The following PTPRR variants were observed in gnomAD, a reference collection of about 807,000 sequenced individuals.
PTPRR encodes the protein receptor-type tyrosine-protein phosphatase R.
In PTPRR, 38 loss-of-function variants were observed where a neutral mutation model predicts 77.2. The ratio of observed to expected loss-of-function variants is 0.49; its 90% CI spans 0.38 to 0.65. PTPRR has a LOEUF of 0.65. Ranked by LOEUF, PTPRR falls within the 30% of genes least tolerant of loss-of-function variation. The pLI, the probability that PTPRR is intolerant of heterozygous loss-of-function variation, is 0.00. For synonymous variants in PTPRR, 299 were observed against 283.1 expected, an observed-to-expected ratio of 1.06 and a Z score of -0.57; for missense variants, 744 against 799.2, an observed-to-expected ratio of 0.93 and a Z score of 0.83.
chr12:70,701,594 C>A (rs1888427163), intron 6 of PTPRR, among the ~76,000 whole-genome samples: 1 of 151,894 alleles, frequency 6.6e-6, no homozygotes, highest in Non-Finnish European at 1.5e-5. Flanking sequence ...CATAGGTTGG[C>A]TAATAATATT....
chr12:70,757,774 T>G (rs1890597012), intron 4 of PTPRR, among the ~76,000 whole-genome samples: 1 of 152,234 alleles, frequency 6.6e-6, no homozygotes. Flanking sequence ...GATCCTTTTT[T>G]TCTGTTAATG....
chr12:70,829,965 T>C (rs1892182790), intron 2 of PTPRR, among the ~76,000 whole-genome samples: 1 of 152,196 alleles, frequency 6.6e-6, no homozygotes, highest in South Asian at 2.1e-4. Flanking sequence ...GAGGCTCCAA[T>C]TGATTAATTG....
At chr12:70,649,728 C>T (rs772678165) in intron 13 of PTPRR, among the ~76,000 whole-genome samples, 1 of 152,092 alleles carries the variant, frequency 6.6e-6, no homozygotes, top group Non-Finnish European at 1.5e-5. Context: ...GTGTGCACCA[C>T]CATGCCTGGC....
intron 2 of PTPRR, among the ~76,000 whole-genome samples, chr12:70,797,730 T>C (rs1592763146): frequency 6.6e-6 from 1 of 152,168 alleles, no homozygotes; most frequent in Non-Finnish European, 1.5e-5. Context: ...TCTTGAAACT[T>C]TCTTCTCTTA....
At chr12:70,659,294 C>T (rs570692247) in intron 12 of PTPRR, among the ~76,000 whole-genome samples, 3 of 151,934 alleles carry the variant, frequency 2.0e-5, no homozygotes, top group Admixed American at 6.6e-5. Context: ...TGGGGGAATG[C>T]GGTATGTGTG....
At chr12:70,730,707 C>T (rs1386322906) in intron 6 of PTPRR, among the ~76,000 whole-genome samples, 1 of 151,724 alleles carries the variant, frequency 6.6e-6, no homozygotes, top group African/African-American at 2.4e-5. Context: ...GCTTATAGTC[C>T]TATTTACTTA....
chr12:70,895,921 A>C (rs1244119229), intron 1 of PTPRR, among the ~76,000 whole-genome samples: 1 of 151,660 alleles, frequency 6.6e-6, no homozygotes, highest in Non-Finnish European at 1.5e-5. Context: ...GCAGCCAACA[A>C]TCATAGCTCT....
At chr12:70,875,305 G>A (rs1893031939) in intron 2 of PTPRR, among the ~76,000 whole-genome samples, 1 of 152,148 alleles carries the variant, frequency 6.6e-6, no homozygotes, top group Admixed American at 6.5e-5. Context: ...AGGTATAAAT[G>A]TACATATTTT....
intron 1 of PTPRR, among the ~76,000 whole-genome samples, chr12:70,908,104 A>T (rs1041440713): frequency 1.3e-5 from 2 of 152,212 alleles, no homozygotes; most frequent in Non-Finnish European, 2.9e-5. Flanking sequence ...TCTCCAGACA[A>T]CTTAAAAACT....
chr12:70,720,247 C>G (rs945123498), intron 6 of PTPRR, among the ~76,000 whole-genome samples: 2 of 152,134 alleles, frequency 1.3e-5, no homozygotes, highest in East Asian at 3.9e-4. Flanking sequence ...CGAATCCTAT[C>G]TCTGCAGTAA....
Position 70,698,307 on chromosome 12 carries a change from G to A in PTPRR, c.1237C>T (p.Pro413Ser). 1 of 1,613,068 alleles carries A rather than the reference G, an allele frequency of 6.2e-7. No homozygotes were observed. Among genetic ancestry groups the A allele is most frequent in the Non-Finnish European group, 8.5e-7 (1 of 1,179,390 alleles). Reference protein sequence around the residue: ...NFVDPKEIDIPRHGTKNRYKT... With the variant: ...NFVDPKEIDISRHGTKNRYKT... ...TAGCGATTTTTAGTTCCATGACGCG[G>A]AATATCAATTTCTTTGGGATCCACA... The change falls in exon 8 of 14, where the codon CCG (proline) becomes TCG (serine). Residue 413 changes from proline to serine, a missense_variant. By Grantham distance (74) the Pro-to-Ser change is moderately conservative (BLOSUM62 -1). Around this residue, in one of 3 missense-constraint regions of PTPRR, gnomAD observed 570 missense variants for 573.2 expected, o/e 0.99. Transcript: ENST00000283228.
intron 2 of PTPRR, among the ~76,000 whole-genome samples, chr12:70,874,920 CAA>C (rs34592534): frequency 0.041 from 3,164 of 76,612 alleles, 72 homozygotes; most frequent in African/African-American, 0.14. Context: ...GACTCCATCT[CAA>C]AAAAAAAAAA....
intron 2 of PTPRR, among the ~76,000 whole-genome samples, chr12:70,873,785 TG>T (rs1893001788): frequency 6.8e-6 from 1 of 146,892 alleles, no homozygotes; most frequent in Admixed American, 6.8e-5. Flanking sequence ...TGGTGGGGGG[TG>T]GGTAAGAGAA....
chr12:70,815,299 A>C (rs942570461), intron 2 of PTPRR, among the ~76,000 whole-genome samples: 4 of 152,268 alleles, frequency 2.6e-5, no homozygotes, highest in African/African-American at 9.6e-5. Context: ...CAGAAAAAAG[A>C]TTGAAAAAGA....
intron 10 of PTPRR, among the ~76,000 whole-genome samples, chr12:70,668,387 G>C (rs1008737880): frequency 3.3e-5 from 5 of 152,136 alleles, no homozygotes; most frequent in Middle Eastern, 3.2e-3. Context: ...TTACAAATAT[G>C]TTTACTATAA....
chr12:70,898,244 A>G (rs530497394), intron 1 of PTPRR, among the ~76,000 whole-genome samples: 3 of 150,068 alleles, frequency 2.0e-5, no homozygotes, highest in African/African-American at 7.3e-5. Context: ...AAAAAAAGCC[A>G]GCCTAGTAAA....
At position 70,916,689 on chromosome 12, in the gene PTPRR, T is replaced by C. The variant is rs577301212; in HGVS notation, c.58+3644A>G. 7.9e-5 allele frequency among the ~76,000 whole-genome samples: 12 copies of C among 152,184 alleles called. No homozygotes were observed. In the East Asian group the frequency reaches 2.3e-3, roughly 29 times the overall value. On this transcript the variant is annotated intron_variant, in intron 1 of 13. Coordinates refer to ENST00000283228, the MANE Select transcript of PTPRR (RefSeq NM_002849.4). ...AATCTTAAAATATATCATTTACCTGTTAGTCTATCCTTTCTTTTGAGGGTG... is the reference window on the plus strand; with the variant it reads ...AATCTTAAAATATATCATTTACCTGCTAGTCTATCCTTTCTTTTGAGGGTG...
intron 11 of PTPRR, 58 bp downstream of exon 11, chr12:70,662,437 G>A: frequency 1.0e-6 from 1 of 986,002 alleles, no homozygotes; most frequent in Non-Finnish European, 1.5e-6. Flanking sequence ...TTTCAAAGTA[G>A]AAATGTAATC....
intron 2 of PTPRR, among the ~76,000 whole-genome samples, chr12:70,875,726 GAC>G (rs1188620667): frequency 1.3e-5 from 2 of 150,692 alleles, no homozygotes; most frequent in Admixed American, 6.6e-5. Context: ...TTTAAAAAAA[GAC>G]ACAGAAAAAA....
Sources: allele counts gnomAD v4.1 joint callset (sites outside exome capture counted in the v4.1 genomes callset), GRCh38; gene constraint gnomAD v4.1.1; regional missense constraint gnomAD v4.1.1; transcripts MANE v1.5; gene names NCBI Gene and HGNC (gene_info 2026-07-23, HGNC 2026-07-21).